LURAP1L: variants seen among roughly 807,000 people sequenced by gnomAD.
LURAP1L encodes the protein leucine rich adaptor protein 1-like.
A neutral mutation model predicts 13.8 loss-of-function variants in LURAP1L; 12 were observed. The ratio of observed to expected loss-of-function variants is 0.87; its 90% CI spans 0.56 to 1.41. LURAP1L has a LOEUF of 1.41. LURAP1L is among the 40% of genes most tolerant of loss of function. LURAP1L has a pLI of 0.00. For missense variants in LURAP1L, 375 were observed against 292.9 expected (o/e 1.28, Z -2.04); for synonymous variants, 139 against 119.2 (o/e 1.17, Z -1.08).
At chr9:12,777,648 C>T in intron 1 of LURAP1L, 1 of 852,756 alleles carries the variant, frequency 1.2e-6, no homozygotes, top group East Asian at 1.2e-4. Context: ...CACTCAGACA[C>T]AATTTAGAGT....
chr9:12,813,953 A>G (rs948245787), intron 1 of LURAP1L, among the ~76,000 whole-genome samples: 21 of 152,354 alleles, frequency 1.4e-4, no homozygotes, highest in African/African-American at 4.8e-4. Flanking sequence ...GCAAGAATAA[A>G]TAAAACATTC....
chr9:12,820,244 C>A (rs1646579988), intron 1 of LURAP1L, among the ~76,000 whole-genome samples: 2 of 152,160 alleles, frequency 1.3e-5, no homozygotes, highest in African/African-American at 2.4e-5. Flanking sequence ...GTGGCTCACG[C>A]CTGTAATCCC....
chr9:12,791,690 T>TCA (rs1252560572), intron 1 of LURAP1L, among the ~76,000 whole-genome samples: 2 of 133,606 alleles, frequency 1.5e-5, no homozygotes, highest in African/African-American at 6.8e-5. Context: ...TCCCTTCTTT[T>TCA]TACACACACA....
chr9:12,788,712 C>G (rs183747163), intron 1 of LURAP1L, among the ~76,000 whole-genome samples: 37 of 152,046 alleles, frequency 2.4e-4, no homozygotes, highest in Admixed American at 2.3e-3. Flanking sequence ...ATGAAATACC[C>G]TATAATGTTA....
intron 1 of LURAP1L, among the ~76,000 whole-genome samples, chr9:12,786,304 A>G (rs977079410): frequency 6.6e-6 from 1 of 151,716 alleles, no homozygotes; most frequent in African/African-American, 2.4e-5. Context: ...AAAGGTAATT[A>G]CTTCATTTTT....
intron 1 of LURAP1L, among the ~76,000 whole-genome samples, chr9:12,784,723 G>C (rs945192757): frequency 7.9e-5 from 12 of 152,044 alleles, no homozygotes; most frequent in Non-Finnish European, 1.5e-5. Context: ...AAGGCCCAAG[G>C]GCTCTTTAGT....
chr9:12,813,021 C>G (rs186149981), intron 1 of LURAP1L, among the ~76,000 whole-genome samples: 1 of 152,034 alleles, frequency 6.6e-6, no homozygotes, highest in Non-Finnish European at 1.5e-5. Flanking sequence ...GATAAGATTA[C>G]CTTCAGATTT....
At chr9:12,778,410 C>T (rs1819221492) in intron 1 of LURAP1L, among the ~76,000 whole-genome samples, 1 of 152,088 alleles carries the variant, frequency 6.6e-6, no homozygotes, top group African/African-American at 2.4e-5. Context: ...AGAGCATCTC[C>T]ATTAAGGCAT....
intron 1 of LURAP1L, among the ~76,000 whole-genome samples, chr9:12,793,163 TC>T (rs1327700087): frequency 4.0e-5 from 6 of 151,898 alleles, no homozygotes; most frequent in African/African-American, 7.2e-5. Context: ...CTCTGTCTCA[TC>T]CCCCTCCCTC....
At chr9:12,798,229 A>G (rs754499389) in intron 1 of LURAP1L, among the ~76,000 whole-genome samples, 2 of 152,192 alleles carry the variant, frequency 1.3e-5, no homozygotes, top group Non-Finnish European at 2.9e-5. Flanking sequence ...GCGTCTGGAC[A>G]TGTCCTGATG....
chr9:12,788,334 C>T (rs569059643), intron 1 of LURAP1L, among the ~76,000 whole-genome samples: 11 of 152,010 alleles, frequency 7.2e-5, no homozygotes, highest in Admixed American at 2.0e-4. Flanking sequence ...TAAATGGGCA[C>T]TCTTCTGCAC....
At chr9:12,791,818 TG>T (rs1353891933) in intron 1 of LURAP1L, among the ~76,000 whole-genome samples, 1 of 152,102 alleles carries the variant, frequency 6.6e-6, no homozygotes, top group Non-Finnish European at 1.5e-5. Context: ...AGAACAGTTG[TG>T]GGGCATAAAT....
At chr9:12,802,073 A>G (rs1242547666) in intron 1 of LURAP1L, among the ~76,000 whole-genome samples, 2 of 152,052 alleles carry the variant, frequency 1.3e-5, no homozygotes, top group Non-Finnish European at 2.9e-5. Context: ...TATACATAAT[A>G]AAGTTGGCCT....
chr9:12,779,367 C>T (rs1211857548), intron 1 of LURAP1L, among the ~76,000 whole-genome samples: 1 of 150,944 alleles, frequency 6.6e-6, no homozygotes, highest in East Asian at 1.9e-4. Context: ...CTCCGCCTCC[C>T]AGGTTCAGGC....
chr9:12,794,729 C>T (rs115504083), intron 1 of LURAP1L, among the ~76,000 whole-genome samples: 124 of 151,988 alleles, frequency 8.2e-4, no homozygotes, highest in African/African-American at 2.9e-3. Flanking sequence ...TGGAAACTCT[C>T]AGCTGCACAC....
chr9:12,791,421 A>G (rs1443907026), intron 1 of LURAP1L, among the ~76,000 whole-genome samples: 2 of 152,072 alleles, frequency 1.3e-5, no homozygotes, highest in African/African-American at 2.4e-5. Flanking sequence ...GCAAGAAGCT[A>G]CAGTACATAC....
intron 1 of LURAP1L, among the ~76,000 whole-genome samples, chr9:12,786,584 A>G (rs868391728): frequency 2.9e-5 from 4 of 137,722 alleles, no homozygotes; most frequent in African/African-American, 5.3e-5. Context: ...ATATATATAA[A>G]CCCTTGTGCC....
chr9:12,783,530 C>A (rs1819304182), intron 1 of LURAP1L, among the ~76,000 whole-genome samples: 1 of 152,166 alleles, frequency 6.6e-6, no homozygotes, highest in Admixed American at 6.5e-5. Context: ...GTTGAACAGT[C>A]CTTGCATCCC....
At chr9:12,801,774 C>A (rs1341039669) in intron 1 of LURAP1L, among the ~76,000 whole-genome samples, 3 of 152,110 alleles carry the variant, frequency 2.0e-5, no homozygotes, top group Non-Finnish European at 4.4e-5. Flanking sequence ...TAACTCAAAA[C>A]ACAAGAGGAA....
Sources: allele counts gnomAD v4.1 joint callset (sites outside exome capture counted in the v4.1 genomes callset), GRCh38; gene constraint gnomAD v4.1.1; transcripts MANE v1.5; gene names NCBI Gene and HGNC (gene_info 2026-07-23, HGNC 2026-07-21).